SEMA3C: variants seen among roughly 807,000 people sequenced by gnomAD.
SEMA3C encodes the protein semaphorin-3C.
In SEMA3C, 47 loss-of-function variants were observed where a neutral mutation model predicts 89.4. The observed-to-expected ratio is 0.53, with a 90% CI of 0.42 to 0.67. SEMA3C has a LOEUF of 0.67. SEMA3C is among the 30% of genes least tolerant of loss of function. SEMA3C has a pLI of 0.00. For synonymous variants in SEMA3C, 310 were observed against 320.2 expected (o/e 0.97, Z 0.34); for missense variants, 839 against 929.1 (o/e 0.90, Z 1.26).
chr7:80,764,571 T>C (rs1450076810), intron 13 of SEMA3C, among the ~76,000 whole-genome samples: 1 of 151,982 alleles, frequency 6.6e-6, no homozygotes, highest in Non-Finnish European at 1.5e-5. Context: ...ATGTTTTTTT[T>C]TCTGTCCTTT....
intron 8 of SEMA3C, among the ~76,000 whole-genome samples, chr7:80,802,983 T>C (rs187056655): frequency 1.3e-5 from 2 of 152,338 alleles, no homozygotes; most frequent in Admixed American, 6.5e-5. Flanking sequence ...TCTTATAGCA[T>C]GATGTCAGCT....
At chr7:80,757,774 G>C (rs2117046342) in intron 15 of SEMA3C, among the ~76,000 whole-genome samples, 1 of 152,190 alleles carries the variant, frequency 6.6e-6, no homozygotes, top group South Asian at 2.1e-4. Context: ...TTCAAGGCCA[G>C]CCTGGCCAAG....
chr7:80,906,952 AAATG>A (rs1365223465), intron 2 of SEMA3C, among the ~76,000 whole-genome samples: 2 of 152,302 alleles, frequency 1.3e-5, no homozygotes, highest in East Asian at 3.9e-4. Flanking sequence ...CAATATAATT[AAATG>A]AATAACCAAA....
At chr7:80,746,806 T>A (rs1426542492) in intron 17 of SEMA3C, among the ~76,000 whole-genome samples, 1 of 151,064 alleles carries the variant, frequency 6.6e-6, no homozygotes, top group East Asian at 1.9e-4. Flanking sequence ...GGAACCTTAC[T>A]CTGGGCAGTG....
chr7:80,902,529 G>A (rs190406577), intron 2 of SEMA3C, among the ~76,000 whole-genome samples: 56 of 152,110 alleles, frequency 3.7e-4, no homozygotes, highest in African/African-American at 1.3e-3. Context: ...ATTATGTTCC[G>A]GAAAAAGCAC....
intron 2 of SEMA3C, among the ~76,000 whole-genome samples, chr7:80,867,406 A>T (rs997942249): frequency 2.0e-5 from 3 of 152,058 alleles, no homozygotes; most frequent in African/African-American, 4.8e-5. Context: ...CGGCCTAACA[A>T]ATTTCTTTAT....
rs776176153 is a variant in SEMA3C at position 80,881,155 on chromosome 7, GGAGA to G, written c.103+35520_103+35523del. ...TTCATGCCTGTTACTTTTGTTGCCT[GGAGA>G]AAGAAACACACACACACACACACAC... On this transcript the variant is annotated intron_variant, in intron 2 of 17. Transcript: ENST00000265361. Among the ~76,000 whole-genome samples, 665 of 138,840 alleles carry G rather than the reference GGAGA, an allele frequency of 4.8e-3. 2 individuals are homozygous for G. The highest frequency in any genetic ancestry group is 7.3e-3 in the Non-Finnish European group (478 of 65,150). The allele number at this position is 138,840 out of a possible 152,430, so 91.1% of individuals were successfully genotyped here.
intron 2 of SEMA3C, among the ~76,000 whole-genome samples, chr7:80,837,151 A>T (rs571577730): frequency 6.6e-6 from 1 of 152,334 alleles, no homozygotes; most frequent in South Asian, 2.1e-4. Context: ...ACACAGAACT[A>T]GCATCAGAAT....
intron 4 of SEMA3C, among the ~76,000 whole-genome samples, chr7:80,824,561 C>T (rs1170883036): frequency 6.6e-6 from 1 of 152,156 alleles, no homozygotes; most frequent in Non-Finnish European, 1.5e-5. Context: ...AAAAGGTTAA[C>T]AGAAGTTCTA....
chr7:80,811,377 T>C (rs957346724), intron 5 of SEMA3C, among the ~76,000 whole-genome samples: 7 of 152,216 alleles, frequency 4.6e-5, no homozygotes, highest in East Asian at 1.9e-4. Flanking sequence ...ATATGTTAGA[T>C]AGTGCTTGCT....
intron 2 of SEMA3C, among the ~76,000 whole-genome samples, chr7:80,902,417 A>G (rs1178780688): frequency 2.6e-5 from 4 of 152,170 alleles, no homozygotes; most frequent in Non-Finnish European, 5.9e-5. Context: ...TTTTCCCTAC[A>G]AATTTTTTCA....
intron 4 of SEMA3C, among the ~76,000 whole-genome samples, chr7:80,827,149 C>A (rs1789890079): frequency 6.6e-6 from 1 of 152,068 alleles, no homozygotes; most frequent in South Asian, 2.1e-4. Flanking sequence ...GTTGAATCCA[C>A]TAGGAACAGA....
At chr7:80,759,909 A>C (rs1788145682) in intron 14 of SEMA3C, among the ~76,000 whole-genome samples, 2 of 152,236 alleles carry the variant, frequency 1.3e-5, no homozygotes, top group South Asian at 2.1e-4. Flanking sequence ...TATCAGCTTC[A>C]TTAAAATACT....
At chr7:80,886,934 T>C (rs936569438) in intron 2 of SEMA3C, among the ~76,000 whole-genome samples, 1 of 152,158 alleles carries the variant, frequency 6.6e-6, no homozygotes, top group Non-Finnish European at 1.5e-5. Context: ...GTAACAAATA[T>C]TGATCAATTT....
At chr7:80,872,220 G>A (rs572566487) in intron 2 of SEMA3C, among the ~76,000 whole-genome samples, 2 of 152,090 alleles carry the variant, frequency 1.3e-5, no homozygotes, top group African/African-American at 4.8e-5. Context: ...GCGCAATCTC[G>A]GCTCACTGCA....
intron 2 of SEMA3C, among the ~76,000 whole-genome samples, chr7:80,839,240 C>T (rs763566675): frequency 1.8e-4 from 27 of 152,098 alleles, no homozygotes; most frequent in Non-Finnish European, 3.1e-4. Flanking sequence ...TCTAGGAAGG[C>T]CTCAGTTTCA....
At chr7:80,860,365 A>T (rs189689280) in intron 2 of SEMA3C, among the ~76,000 whole-genome samples, 1 of 152,248 alleles carries the variant, frequency 6.6e-6, no homozygotes, top group Non-Finnish European at 1.5e-5. Flanking sequence ...TTCTTCCTCA[A>T]GACACATTAC....
chr7:80,827,435 T>A lies in SEMA3C; in HGVS notation c.317A>T (p.Lys106Ile), dbSNP rs371883672. 3 of 1,589,826 alleles carry A rather than the reference T, an allele frequency of 1.9e-6. No individual in the cohort carries two copies. The African/African-American group carries it at 4.1e-5, about 22-fold the overall frequency. The change falls in exon 4 of 18, where the codon AAA becomes ATA. Residue 106 changes from lysine (K) to isoleucine (I), a missense_variant. Physicochemically the swap from Lys to Ile is moderately radical, Grantham distance 102 (BLOSUM62 -3). Transcript: ENST00000265361. ...IKVEECKMAG[K>I]DPTHGCGNFV... is the part of the protein sequence containing the mutation. ...TTTTTTAACACTTACTGTGGGATCT[T>A]TGCCAGCCATTTTGCATTCTTCAAC... is the stretch of plus-strand genomic sequence containing the variant.
chr7:80,885,480 G>A (rs1791453388), intron 2 of SEMA3C, among the ~76,000 whole-genome samples: 1 of 152,056 alleles, frequency 6.6e-6, no homozygotes. Context: ...AGCCAGGCAT[G>A]GTGGTGCATG....
Sources: gnomAD v4.1 joint callset for allele counts (sites outside exome capture counted in the v4.1 genomes callset) on GRCh38, gnomAD v4.1.1 for gene constraint, MANE v1.5 for transcripts, NCBI Gene and HGNC (gene_info 2026-07-23, HGNC 2026-07-21) for gene names.